The following HEBP1 variants were observed in gnomAD, a reference collection of about 807,000 sequenced individuals.
HEBP1 encodes heme-binding protein 1.
In HEBP1, 13 loss-of-function variants were observed where a neutral mutation model predicts 20.4. The ratio of observed to expected loss-of-function variants is 0.64; its 90% CI spans 0.42 to 1.01. The LOEUF is 1.01. Among genes scored for constraint, HEBP1 ranks in the 50% least tolerant of loss-of-function variants. HEBP1 has a pLI of 0.00. For synonymous variants in HEBP1, 92 were observed against 90.7 expected, an observed-to-expected ratio of 1.01 and a Z score of -0.08; for missense variants, 241 against 247.3, an observed-to-expected ratio of 0.97 and a Z score of 0.17.
chr12:12,993,112 T>C (rs1202164722), intron 1 of HEBP1, among the ~76,000 whole-genome samples: 1 of 151,944 alleles, frequency 6.6e-6, no homozygotes, highest in Non-Finnish European at 1.5e-5. Context: ...CTTTCTTTTT[T>C]TCTTTCGTTT....
At chr12:12,990,082 T>G (rs1864200546) in intron 1 of HEBP1, among the ~76,000 whole-genome samples, 1 of 151,728 alleles carries the variant, frequency 6.6e-6, no homozygotes, top group South Asian at 2.1e-4. Flanking sequence ...CTTAATACAA[T>G]GTAAAAGCCA....
At chr12:12,999,044 C>T (rs1462448066) in intron 1 of HEBP1, among the ~76,000 whole-genome samples, 1 of 152,220 alleles carries the variant, frequency 6.6e-6, no homozygotes. Context: ...CAGGACACTC[C>T]ACTGAGGTCC....
chr12:12,995,015 C>G (rs1864273831), intron 1 of HEBP1, among the ~76,000 whole-genome samples: 1 of 152,170 alleles, frequency 6.6e-6, no homozygotes, highest in Admixed American at 6.5e-5. Context: ...ACGTTGCCAG[C>G]CACACTCACA....
At chr12:12,988,380 C>T (rs903016651) in intron 2 of HEBP1, among the ~76,000 whole-genome samples, 1 of 152,116 alleles carries the variant, frequency 6.6e-6, no homozygotes, top group Non-Finnish European at 1.5e-5. Context: ...TACAGGTTAA[C>T]GTATCTTCCA....
intron 1 of HEBP1, among the ~76,000 whole-genome samples, chr12:12,994,167 T>A (rs1388039023): frequency 6.6e-6 from 1 of 152,204 alleles, no homozygotes; most frequent in Admixed American, 6.5e-5. Flanking sequence ...AGGTAGTGGG[T>A]ACCATAAGAG....
In HEBP1 at chr12:12,986,293, T is replaced by C. The variant is rs1384931758; in HGVS notation, c.398+859A>G. 6.6e-6 allele frequency: 1 copy of C among 152,368 alleles called. No individual in the cohort carries two copies. The highest frequency in any genetic ancestry group is 1.5e-5 in the Non-Finnish European group (1 of 68,200). The allele number at this position is 152,368 out of a possible 1,614,324, so 9.4% of individuals were successfully genotyped here. ...AACATTGACACAGCTCCGGGGAAAATGGTCCCACCATCAGGTTCAGGGTTG... is the reference window on the plus strand; with the variant it reads ...AACATTGACACAGCTCCGGGGAAAACGGTCCCACCATCAGGTTCAGGGTTG... On this transcript the variant is annotated intron_variant, in intron 3 of 3. Transcript: ENST00000014930. The surrounding 1 kb of genome is among the most constrained non-coding windows in gnomAD (Gnocchi z 4.3).
At chr12:12,988,512 AAC>A (rs1442856552) in intron 2 of HEBP1, among the ~76,000 whole-genome samples, 1 of 152,342 alleles carries the variant, frequency 6.6e-6, no homozygotes, top group East Asian at 1.9e-4. Flanking sequence ...TACTAAGGCT[AAC>A]ACACGTTTTT....
rs563250146 is a variant in HEBP1 at position 12,993,480 on chromosome 12, T to C, written c.79-4065A>G. On this transcript the variant is annotated intron_variant, in intron 1 of 3. Coordinates refer to ENST00000014930, the MANE Select transcript of HEBP1 (RefSeq NM_015987.5). ...AAAGTGTCTTTGCTTTTTTTTTTTTTCTTTTCCTCTCTCTCTCTCTCTCTC... is the reference window on the plus strand; with the variant it reads ...AAAGTGTCTTTGCTTTTTTTTTTTTCCTTTTCCTCTCTCTCTCTCTCTCTC... Among the ~76,000 whole-genome samples, 694 of 143,300 alleles carry C rather than the reference T, an allele frequency of 4.8e-3. 13 individuals carry two copies. Among genetic ancestry groups the C allele is most frequent in the African/African-American group, 0.017 (650 of 37,344 alleles). The allele number at this position is 143,300 out of a possible 152,430, so 94.0% of individuals were successfully genotyped here. A position where few individuals can be genotyped will look rare whatever the true frequency, so the allele number is the denominator to read the frequency against.
intron 2 of HEBP1, among the ~76,000 whole-genome samples, chr12:12,988,125 A>C (rs1312917430): frequency 6.6e-6 from 1 of 152,202 alleles, no homozygotes; most frequent in East Asian, 1.9e-4. Context: ...ACTAGTGGAA[A>C]ATAATTATGA....
chr12:12,989,047 A>C (rs1864186038), intron 2 of HEBP1, among the ~76,000 whole-genome samples: 1 of 152,166 alleles, frequency 6.6e-6, no homozygotes, highest in Non-Finnish European at 1.5e-5. Context: ...GAACTTGGAG[A>C]TATTGAGCAG....
In HEBP1 at chr12:13,000,168, C is replaced by T. The variant is rs1336779429; in HGVS notation, c.-54G>A. ...GGAGGACGTGAGGTGGCGGGGGCGA[C>T]GGAGCACCACGGGCAGCGACCACCG... On this transcript the variant is annotated 5_prime_UTR_variant, in exon 1 of 4. Coordinates refer to ENST00000014930, the MANE Select transcript of HEBP1 (RefSeq NM_015987.5). 6 of 1,248,336 alleles carry T rather than the reference C, an allele frequency of 4.8e-6. No individual in the cohort carries two copies. Among genetic ancestry groups the T allele is most frequent in the Non-Finnish European group, 6.7e-6 (6 of 890,498 alleles). 77.3% of individuals were successfully genotyped at this position (1,248,336 alleles called of 1,614,324 possible). A position where few individuals can be genotyped will look rare whatever the true frequency, so the allele number is the denominator to read the frequency against.
chr12:12,991,817 A>G (rs1864228950), intron 1 of HEBP1, among the ~76,000 whole-genome samples: 1 of 151,876 alleles, frequency 6.6e-6, no homozygotes, highest in African/African-American at 2.4e-5. Flanking sequence ...ACTCTACTGG[A>G]GTGAATTTTA....
chr12:12,994,966 C>A (rs78280869), intron 1 of HEBP1, among the ~76,000 whole-genome samples: 5 of 152,204 alleles, frequency 3.3e-5, no homozygotes, highest in Non-Finnish European at 7.4e-5. Context: ...AAGTTCTTAA[C>A]CTGCCCTTGA....
intron 3 of HEBP1, among the ~76,000 whole-genome samples, chr12:12,978,159 T>A (rs1864020731): frequency 6.6e-6 from 1 of 151,608 alleles, no homozygotes; most frequent in African/African-American, 2.4e-5. Context: ...GCTAAAGAGT[T>A]TGAACCTCAT....
chr12:12,994,211 T>C lies in HEBP1; in HGVS notation c.79-4796A>G, dbSNP rs144449134. 4.0e-3 allele frequency among the ~76,000 whole-genome samples: 609 copies of C among 152,298 alleles called. 3 individuals carry two copies. Among genetic ancestry groups the C allele is most frequent in the Non-Finnish European group, 5.7e-3 (385 of 68,032 alleles). On this transcript the variant is annotated intron_variant, in intron 1 of 3. Coordinates refer to ENST00000014930, the MANE Select transcript of HEBP1 (RefSeq NM_015987.5). Reference sequence around the variant, plus strand: ...GAGGGGTCAAGAACAGTATGATGACTGTGAGTACAAATATTACAAATAGTT... The same window carrying C: ...GAGGGGTCAAGAACAGTATGATGACCGTGAGTACAAATATTACAAATAGTT...
At chr12:12,991,158 G>T (rs1864220423) in intron 1 of HEBP1, among the ~76,000 whole-genome samples, 1 of 152,188 alleles carries the variant, frequency 6.6e-6, no homozygotes, top group Non-Finnish European at 1.5e-5. Flanking sequence ...TGATAAATTG[G>T]TTCTATCTAG....
At position 12,993,013 on chromosome 12, in the gene HEBP1, G is replaced by A. The variant is rs548806450; in HGVS notation, c.79-3598C>T. Among the ~76,000 whole-genome samples the A allele has an allele frequency of 6.6e-5, 10 of 152,210 alleles. No homozygotes were observed. The South Asian group carries it at 2.1e-3, about 32-fold the overall frequency. On this transcript the variant is annotated intron_variant, in intron 1 of 3. Coordinates refer to ENST00000014930, the MANE Select transcript of HEBP1 (RefSeq NM_015987.5). ...TCTAGTCTACTCCAGTCTAATACTCGTTGCAAGGTTCTCTAAAGCTATGGG... is the reference window on the plus strand; with the variant it reads ...TCTAGTCTACTCCAGTCTAATACTCATTGCAAGGTTCTCTAAAGCTATGGG...
chr12:12,993,485 TCC>T (rs1864252281), intron 1 of HEBP1, among the ~76,000 whole-genome samples: 1 of 128,438 alleles, frequency 7.8e-6, no homozygotes. Flanking sequence ...TTTTTTCTTT[TCC>T]TCTCTCTCTC....
intron 3 of HEBP1, chr12:12,979,105 A>T (rs1323369945): frequency 6.6e-6 from 1 of 152,206 alleles, no homozygotes; most frequent in East Asian, 1.9e-4. Flanking sequence ...TGCTCCTTAG[A>T]ATCCTAATAT....
Sources: allele counts gnomAD v4.1 joint callset (sites outside exome capture counted in the v4.1 genomes callset), GRCh38; gene constraint gnomAD v4.1.1; non-coding constraint Gnocchi (gnomAD v3.1); transcripts MANE v1.5; gene names NCBI Gene and HGNC (gene_info 2026-07-23, HGNC 2026-07-21).